RHBDD1: variants seen among roughly 807,000 people sequenced by gnomAD.
RHBDD1 encodes the protein rhomboid domain containing 1.
In RHBDD1, 38 loss-of-function variants were observed where a neutral mutation model predicts 36.3. That is an observed-to-expected ratio of 1.05 (90% CI 0.81 to 1.37). RHBDD1 has a LOEUF of 1.37. RHBDD1 is among the 40% of genes most tolerant of loss of function. RHBDD1 has a pLI of 0.00. For synonymous variants in RHBDD1, 151 were observed against 136.5 expected (o/e 1.11, Z -0.74); for missense variants, 393 against 377.6 (o/e 1.04, Z -0.34).
intron 5 of RHBDD1, among the ~76,000 whole-genome samples, chr2:226,884,457 C>T (rs1946047603): frequency 6.6e-6 from 1 of 152,084 alleles, no homozygotes; most frequent in Non-Finnish European, 1.5e-5. Flanking sequence ...TAATTTGATT[C>T]TAATTTATCT....
At chr2:226,899,377 T>C (rs1947402513) in intron 5 of RHBDD1, among the ~76,000 whole-genome samples, 2 of 152,214 alleles carry the variant, frequency 1.3e-5, no homozygotes, top group African/African-American at 4.8e-5. Context: ...ATTGTAACCC[T>C]TTCATATTTT....
intron 8 of RHBDD1, among the ~76,000 whole-genome samples, chr2:226,991,666 C>T (rs1299621953): frequency 6.6e-6 from 1 of 152,182 alleles, no homozygotes; most frequent in Non-Finnish European, 1.5e-5. Flanking sequence ...AACAACCCAA[C>T]AAAGGAGCTA....
chr2:226,934,639 TTTACTA>T (rs1229178271), intron 8 of RHBDD1, among the ~76,000 whole-genome samples: 6 of 152,056 alleles, frequency 3.9e-5, no homozygotes, highest in African/African-American at 1.4e-4. Context: ...GGCTTGAACA[TTTACTA>T]CTACTAACAA....
chr2:226,888,004 A>G (rs1946376271), intron 5 of RHBDD1, among the ~76,000 whole-genome samples: 1 of 152,200 alleles, frequency 6.6e-6, no homozygotes, highest in Non-Finnish European at 1.5e-5. Flanking sequence ...TGTCTGGTTT[A>G]TACAGCTTGA....
chr2:226,944,919 G>A (rs1289878696), intron 8 of RHBDD1, among the ~76,000 whole-genome samples: 3 of 152,070 alleles, frequency 2.0e-5, no homozygotes, highest in Non-Finnish European at 4.4e-5. Flanking sequence ...ATAGAGGAGC[G>A]AGGGGAGCAA....
At chr2:226,836,038 T>C (rs1383489327), upstream of RHBDD1, 2 of 152,674 alleles carry the variant, frequency 1.3e-5, no homozygotes, top group African/African-American at 4.8e-5. Context: ...ACGTGCGTGA[T>C]GACGCACGTG....
At chr2:226,958,448 G>T (rs1003375068) in intron 8 of RHBDD1, among the ~76,000 whole-genome samples, 10 of 152,158 alleles carry the variant, frequency 6.6e-5, no homozygotes, top group Admixed American at 6.5e-4. Flanking sequence ...GGGTGATAAA[G>T]ATGTTCTAAA....
At chr2:226,817,956 T>C in the RHBDD1 span, among the ~76,000 whole-genome samples, 2 of 152,162 alleles carry the variant, frequency 1.3e-5, no homozygotes, top group African/African-American at 4.8e-5. Context: ...TTCCTGTTTG[T>C]ATTGGTAAAG....
At chr2:226,859,874 A>G (rs1328148991) in intron 3 of RHBDD1, among the ~76,000 whole-genome samples, 2 of 152,234 alleles carry the variant, frequency 1.3e-5, no homozygotes, top group East Asian at 3.8e-4. Context: ...TACTCTAAGC[A>G]GTGGTGGAAA....
intron 8 of RHBDD1, among the ~76,000 whole-genome samples, chr2:226,919,724 A>C (rs1013403058): frequency 1.3e-4 from 20 of 152,034 alleles, no homozygotes; most frequent in African/African-American, 4.6e-4. Context: ...TGGTTATTAT[A>C]GCTTTGTAGT....
At chr2:226,834,367 T>C (rs1940817165), upstream of RHBDD1, among the ~76,000 whole-genome samples, 1 of 152,238 alleles carries the variant, frequency 6.6e-6, no homozygotes, top group South Asian at 2.1e-4. Context: ...CCGCATTCAT[T>C]TGACTTTTCA....
chr2:226,885,565 A>C (rs1160180968), intron 5 of RHBDD1, among the ~76,000 whole-genome samples: 1 of 152,218 alleles, frequency 6.6e-6, no homozygotes, highest in Admixed American at 6.5e-5. Context: ...AAAGTATTAC[A>C]TATGAAGTGG....
chr2:226,862,175 GTTTAC>G (rs1469866485), intron 3 of RHBDD1, among the ~76,000 whole-genome samples: 5 of 152,140 alleles, frequency 3.3e-5, no homozygotes, highest in Non-Finnish European at 5.9e-5. Flanking sequence ...ACATAAGTAA[GTTTAC>G]TTTATAGAAA....
chr2:226,974,119 A>G (rs893375510), intron 8 of RHBDD1, among the ~76,000 whole-genome samples: 2 of 152,220 alleles, frequency 1.3e-5, no homozygotes, highest in Non-Finnish European at 2.9e-5. Flanking sequence ...GTAACACTTC[A>G]AAGAAATAAT....
At chr2:226,916,181 A>C (rs1948896496) in intron 8 of RHBDD1, among the ~76,000 whole-genome samples, 1 of 152,268 alleles carries the variant, frequency 6.6e-6, no homozygotes, top group Admixed American at 6.5e-5. Flanking sequence ...TAACAAGACC[A>C]GCTCAGATTC....
At chr2:226,940,558 G>A (rs925911946) in intron 8 of RHBDD1, among the ~76,000 whole-genome samples, 1 of 152,026 alleles carries the variant, frequency 6.6e-6, no homozygotes, top group Admixed American at 6.6e-5. Flanking sequence ...CTCATGACAT[G>A]ATTATATGCC....
intron 8 of RHBDD1, among the ~76,000 whole-genome samples, chr2:226,938,991 C>T (rs1430756396): frequency 1.3e-5 from 2 of 152,136 alleles, no homozygotes; most frequent in Non-Finnish European, 2.9e-5. Flanking sequence ...AATCAATAAA[C>T]ATAATTCATC....
chr2:226,917,259 T>A (rs1166782291), intron 8 of RHBDD1, among the ~76,000 whole-genome samples: 2 of 152,042 alleles, frequency 1.3e-5, no homozygotes, highest in African/African-American at 2.4e-5. Context: ...TAAATTTAAA[T>A]CTTATTCTTA....
intron 3 of RHBDD1, among the ~76,000 whole-genome samples, chr2:226,848,958 G>A (rs1276240846): frequency 1.3e-5 from 2 of 152,246 alleles, no homozygotes; most frequent in Admixed American, 6.5e-5. Context: ...TTTGGCTCGT[G>A]GTTTGGCTTT....
Sources: allele counts gnomAD v4.1 joint callset (sites outside exome capture counted in the v4.1 genomes callset), GRCh38; gene constraint gnomAD v4.1.1; transcripts MANE v1.5; gene names NCBI Gene and HGNC (gene_info 2026-07-23, HGNC 2026-07-21).